Variants in KANSL3 observed in about 807,000 individuals in gnomAD.
KANSL3 encodes NSL complex protein NSL3.
A neutral mutation model predicts 89.2 loss-of-function variants in KANSL3; 16 were observed. That is an observed-to-expected ratio of 0.18 (90% CI 0.12 to 0.27). KANSL3 has a LOEUF of 0.27. Among genes scored for constraint, KANSL3 ranks in the 10% least tolerant of loss-of-function variants. KANSL3 has a pLI of 1.00. For synonymous variants in KANSL3, 385 were observed against 419.7 expected (o/e 0.92, Z 1.01); for missense variants, 879 against 1,110.6 (o/e 0.79, Z 2.96).
At chr2:96,610,905 G>T (rs1480268969) in intron 10 of KANSL3, 22 bp from the exon 11 acceptor site, 16 of 1,609,772 alleles carry the variant, frequency 9.9e-6, no homozygotes, top group Non-Finnish European at 1.4e-5. Flanking sequence ...ATAGGTTTTA[G>T]AATCGGCTTC....
At chr2:96,633,474 C>A (rs528701144) in intron 2 of KANSL3, among the ~76,000 whole-genome samples, 37 of 151,098 alleles carry the variant, frequency 2.4e-4, no homozygotes, top group African/African-American at 8.0e-4. Flanking sequence ...GAGGCTGAGG[C>A]AGGAGAATGG....
Position 96,612,515 on chromosome 2 carries a change from C to T in KANSL3, c.961G>A (p.Val321Ile), listed in dbSNP as rs1478739499. 1.2e-6 allele frequency: 2 copies of T among 1,613,990 alleles called. No homozygotes were observed. Among genetic ancestry groups the T allele is most frequent in the East Asian group, 2.2e-5 (1 of 44,880 alleles). ...ATCATATGCTCGAGACACTGTAGAACTCCTACCCCACTGCCATTGTTCAGC... is the reference window on the plus strand; with the variant it reads ...ATCATATGCTCGAGACACTGTAGAATTCCTACCCCACTGCCATTGTTCAGC... ...HLLNNGSGVG[V>I]LQCLEHMIGA... Residue 321 changes from valine to isoleucine, a missense_variant, in exon 8 of 21, where the codon GTT (valine) becomes ATT (isoleucine). Physicochemically the swap from Val to Ile is conservative, Grantham distance 29. Coordinates refer to ENST00000431828, the MANE Select transcript of KANSL3 (RefSeq NM_001115016.3).
In KANSL3 at chr2:96,617,883, G is replaced by A. The variant is rs536999728; in HGVS notation, c.663+1476C>T. Among the ~76,000 whole-genome samples, 10 of 151,934 alleles carry A rather than the reference G, an allele frequency of 6.6e-5. No homozygotes were observed. The East Asian group carries it at 1.9e-3, about 29-fold the overall frequency. On this transcript the variant is annotated intron_variant, in intron 5 of 20. Coordinates refer to ENST00000431828, the MANE Select transcript of KANSL3 (RefSeq NM_001115016.3). ...CGCCTGTAGTCTCAGCTACTCAGGA[G>A]GCTGAGGCAGAATTGCTTCAACCCA... is the stretch of plus-strand genomic sequence containing the variant.
At chr2:96,597,831 G>A (rs2066685027) in intron 20 of KANSL3, among the ~76,000 whole-genome samples, 1 of 152,092 alleles carries the variant, frequency 6.6e-6, no homozygotes, top group Non-Finnish European at 1.5e-5. Flanking sequence ...TCGATCTCTT[G>A]ACCTCGTGAT....
chr2:96,621,960 A>C (rs2071367603), intron 3 of KANSL3, among the ~76,000 whole-genome samples: 1 of 151,948 alleles, frequency 6.6e-6, no homozygotes, highest in African/African-American at 2.4e-5. Flanking sequence ...CTAAAAATAC[A>C]AAACTTAGCC....
In KANSL3 at chr2:96,605,579, C is replaced by A. The variant is rs550007873; in HGVS notation, c.1742-68G>T. ...ATCCCAACAGACACTCAGTCAATACCAGCACCAACACAGCCATGTGTAGAA... is the reference window on the plus strand; with the variant it reads ...ATCCCAACAGACACTCAGTCAATACAAGCACCAACACAGCCATGTGTAGAA... On this transcript the variant is annotated intron_variant, in intron 14 of 20. Transcript: ENST00000431828. 3.9e-6 allele frequency: 5 copies of A among 1,266,162 alleles called. No individual in the cohort carries two copies. In the South Asian group the frequency reaches 5.1e-5, roughly 13 times the overall value. 78.4% of individuals were successfully genotyped at this position (1,266,162 alleles called of 1,614,324 possible).
At chr2:96,617,733 C>G (rs2070441195) in intron 5 of KANSL3, among the ~76,000 whole-genome samples, 1 of 151,942 alleles carries the variant, frequency 6.6e-6, no homozygotes, top group South Asian at 2.1e-4. Context: ...CACGGCAGCT[C>G]ACGCCTGTAA....
At chr2:96,613,081 A>T (rs2069308096) in intron 6 of KANSL3, 147 bp from the exon 7 acceptor site, 3 of 631,120 alleles carry the variant, frequency 4.8e-6, no homozygotes, top group Admixed American at 5.5e-5. Context: ...AATTATTAAT[A>T]ATAGTTAAAG....
chr2:96,624,869 A>G (rs558035415), intron 3 of KANSL3, among the ~76,000 whole-genome samples: 1 of 152,206 alleles, frequency 6.6e-6, no homozygotes, highest in Admixed American at 6.5e-5. Context: ...TCTGTAGGAT[A>G]ATTTTCTTCA....
chr2:96,602,552 A>T (rs1348544563), intron 18 of KANSL3, among the ~76,000 whole-genome samples: 1 of 152,240 alleles, frequency 6.6e-6, no homozygotes, highest in Non-Finnish European at 1.5e-5. Flanking sequence ...ACAAAGAAAC[A>T]AAAACAGAGT....
the KANSL3 span, among the ~76,000 whole-genome samples, chr2:96,587,262 C>A: frequency 6.6e-5 from 10 of 152,248 alleles, no homozygotes; most frequent in Non-Finnish European, 1.5e-4. Flanking sequence ...CAATAAGACA[C>A]AACCCTGTCC....
rs537419551 is a variant in KANSL3 at position 96,599,661 on chromosome 2, A to G, written c.2616+1982T>C. The G allele has an allele frequency of 1.4e-5, 6 of 431,182 alleles. No individual in the cohort carries two copies. The East Asian group carries it at 9.4e-4, about 67-fold the overall frequency. The allele number at this position is 431,182 out of a possible 1,614,324, so 26.7% of individuals were successfully genotyped here. On this transcript the variant is annotated intron_variant, in intron 20 of 20. Coordinates refer to ENST00000431828, the MANE Select transcript of KANSL3 (RefSeq NM_001115016.3). ...AAAAAAATATGAGCCACTGACAGGA[A>G]TAACATATATGTAATTTGTGTAACA...
chr2:96,623,667 A>T (rs1439721522), intron 3 of KANSL3, among the ~76,000 whole-genome samples: 1 of 152,200 alleles, frequency 6.6e-6, no homozygotes, highest in Non-Finnish European at 1.5e-5. Context: ...AACCCTACCT[A>T]GGGACAAGGG....
At chr2:96,592,789 G>A (rs2066305665), downstream of KANSL3, among the ~76,000 whole-genome samples, 1 of 152,004 alleles carries the variant, frequency 6.6e-6, no homozygotes, top group Non-Finnish European at 1.5e-5. Context: ...GGATCACAAG[G>A]TCAGGAGTTT....
chr2:96,631,227 A>G, intron 3 of KANSL3, 85 bp downstream of exon 3: 2 of 980,768 alleles, frequency 2.0e-6, no homozygotes, highest in Non-Finnish European at 3.2e-6. Flanking sequence ...CTGCAAATGA[A>G]ATAAGGTCCT....
In KANSL3 at chr2:96,602,433, G is replaced by A. The variant is rs2067316573; in HGVS notation, c.2260-95C>T. 11 of 882,752 alleles carry A rather than the reference G, an allele frequency of 1.2e-5. No individual in the cohort carries two copies. In the East Asian group the frequency reaches 2.6e-4, roughly 21 times the overall value. 54.7% of individuals were successfully genotyped at this position (882,752 alleles called of 1,614,324 possible). A position where few individuals can be genotyped will look rare whatever the true frequency, so the allele number is the denominator to read the frequency against. On this transcript the variant is annotated intron_variant, in intron 18 of 20. Coordinates refer to ENST00000431828, the MANE Select transcript of KANSL3 (RefSeq NM_001115016.3). ...ACAGCATATTATTAAAGGCTAACAT[G>A]TATTGAGTGCCTACTACATGCAAGG...
At chr2:96,609,155 C>A (rs2068465748) in intron 12 of KANSL3, 91 bp from the exon 13 acceptor site, 1 of 1,190,108 alleles carries the variant, frequency 8.4e-7, no homozygotes, top group South Asian at 1.4e-5. Flanking sequence ...CAGATTCTCC[C>A]TCAGCTCTGG....
chr2:96,603,073 C>T (rs1307042448), intron 17 of KANSL3, among the ~76,000 whole-genome samples: 7 of 152,144 alleles, frequency 4.6e-5, no homozygotes, highest in Admixed American at 3.3e-4. Flanking sequence ...GACACTGCCC[C>T]GGACTTGCTC....
rs2066378867 is a variant in KANSL3 at position 96,594,093 on chromosome 2, A to T, written c.*1518T>A. 6.8e-6 allele frequency: 1 copy of T among 146,200 alleles called. No homozygotes were observed. Among genetic ancestry groups the T allele is most frequent in the African/African-American group, 2.8e-5 (1 of 35,832 alleles). 9.1% of individuals were successfully genotyped at this position (146,200 alleles called of 1,614,324 possible). ...CTGACCTACCTTGCCTGAGACTCCT[A>T]GACACTATGAGCTCCCTTCTGGCTG... On this transcript the variant is annotated 3_prime_UTR_variant, in exon 21 of 21. Transcript: ENST00000431828.
Sources: gnomAD v4.1 joint callset for allele counts (sites outside exome capture counted in the v4.1 genomes callset) on GRCh38, gnomAD v4.1.1 for gene constraint, MANE v1.5 for transcripts, NCBI Gene and HGNC (gene_info 2026-07-23, HGNC 2026-07-21) for gene names.